The following GNB4 variants were observed in gnomAD, a reference collection of about 807,000 sequenced individuals.
The protein encoded by GNB4 is G protein subunit beta 4, also known as guanine nucleotide-binding protein subunit beta-4.
A neutral mutation model predicts 45.2 loss-of-function variants in GNB4; 28 were observed. The ratio of observed to expected loss-of-function variants is 0.62; its 90% CI spans 0.46 to 0.85. The LOEUF (loss-of-function observed/expected upper bound fraction) is 0.85, where lower values mean the gene tolerates loss of function less well. GNB4 is among the 40% of genes least tolerant of loss of function. The pLI is 0.00. For missense variants in GNB4, 321 were observed against 425.4 expected, an observed-to-expected ratio of 0.75 and a Z score of 2.16; for synonymous variants, 132 against 143.7, an observed-to-expected ratio of 0.92 and a Z score of 0.58.
the GNB4 span, among the ~76,000 whole-genome samples, chr3:179,496,070 G>T: frequency 6.6e-6 from 1 of 152,004 alleles, no homozygotes; most frequent in East Asian, 1.9e-4. Flanking sequence ...CTGTAATGGT[G>T]GTATGTAAAT....
chr3:179,417,139 C>T (rs1190035713), intron 4 of GNB4, among the ~76,000 whole-genome samples: 2 of 151,996 alleles, frequency 1.3e-5, no homozygotes, highest in East Asian at 3.9e-4. Flanking sequence ...GAGTTAATCA[C>T]AAGAGAATGA....
At chr3:179,453,286 G>C (rs1197242617), upstream of GNB4, among the ~76,000 whole-genome samples, 3 of 152,064 alleles carry the variant, frequency 2.0e-5, no homozygotes, top group Non-Finnish European at 4.4e-5. Context: ...ACGCCCGGCT[G>C]ATTTTTTGTA....
At chr3:179,435,750 T>C (rs1247696766) in intron 1 of GNB4, among the ~76,000 whole-genome samples, 2 of 152,224 alleles carry the variant, frequency 1.3e-5, no homozygotes, top group Non-Finnish European at 2.9e-5. Flanking sequence ...AGTGAAAGCA[T>C]TGTTGAGCAG....
intron 1 of GNB4, among the ~76,000 whole-genome samples, chr3:179,446,333 G>A (rs921897116): frequency 7.9e-5 from 12 of 152,214 alleles, no homozygotes; most frequent in African/African-American, 2.9e-4. Flanking sequence ...AAGGTTCACT[G>A]AAATTATTAC....
At chr3:179,442,597 T>C (rs1715621633) in intron 1 of GNB4, among the ~76,000 whole-genome samples, 1 of 152,160 alleles carries the variant, frequency 6.6e-6, no homozygotes, top group South Asian at 2.1e-4. Flanking sequence ...TGTAGTTATC[T>C]CTGTGTTACC....
the GNB4 span, among the ~76,000 whole-genome samples, chr3:179,514,699 C>A: frequency 6.6e-6 from 1 of 152,080 alleles, no homozygotes; most frequent in African/African-American, 2.4e-5. Context: ...TGTGTGGGGA[C>A]ACTGTAAAAA....
intron 1 of GNB4, among the ~76,000 whole-genome samples, chr3:179,433,447 C>T (rs1330375850): frequency 6.6e-6 from 1 of 151,922 alleles, no homozygotes; most frequent in Non-Finnish European, 1.5e-5. Context: ...ACTATAAGAG[C>T]TAGCAGCTTC....
At chr3:179,405,489 T>C in intron 8 of GNB4, 83 bp from the exon 9 acceptor site, 3 of 962,608 alleles carry the variant, frequency 3.1e-6, no homozygotes, top group Middle Eastern at 2.3e-4. Flanking sequence ...AAATCTAGAT[T>C]AATATTCCAA....
rs1022125040 is a variant in GNB4 at position 179,451,364 on chromosome 3, C to A, written c.-61G>T. 12 of 151,252 alleles carry A rather than the reference C, an allele frequency of 7.9e-5. No individual in the cohort carries two copies. The highest frequency in any genetic ancestry group is 2.9e-4 in the African/African-American group (12 of 41,352). 9.4% of individuals were successfully genotyped at this position (151,252 alleles called of 1,614,324 possible). ...CGCCTACCTGGAGGGAGCTCAGGCC[C>A]GCGTCGACCGCGCGCTGCCGGTGTC... On this transcript the variant is annotated 5_prime_UTR_variant, in exon 1 of 10. Coordinates refer to ENST00000232564, the MANE Select transcript of GNB4 (RefSeq NM_021629.4).
chr3:179,507,186 A>C, the GNB4 span, among the ~76,000 whole-genome samples: 3 of 152,180 alleles, frequency 2.0e-5, no homozygotes, highest in Non-Finnish European at 4.4e-5. Flanking sequence ...CCTAGTTTAG[A>C]CTTTCCTCAT....
At position 179,419,428 on chromosome 3, in the gene GNB4, G is replaced by C; in HGVS notation, c.174C>G (p.Ile58Met). 1 of 1,611,284 alleles carries C rather than the reference G, an allele frequency of 6.2e-7. No homozygotes were observed. The highest frequency in any genetic ancestry group is 8.5e-7 in the Non-Finnish European group (1 of 1,177,428). The change falls in exon 4 of 10, where the codon ATC becomes ATG. Residue 58 changes from isoleucine (I) to methionine (M), a missense_variant. By Grantham distance (10) the Ile-to-Met change is conservative (BLOSUM62 1). Transcript: ENST00000232564. ...RRTLRGHLAK[I>M]YAMHWGYDSR... ...AATCGTATCCCCAATGCATAGCATA[G>C]ATTTTAGCTAGGTGGCCCCTCAGTG... is the stretch of plus-strand genomic sequence containing the variant.
In GNB4 at chr3:179,396,285, C is replaced by G. The variant is rs1714111435; in HGVS notation, c.*4928G>C. On this transcript the variant is annotated 3_prime_UTR_variant, in exon 10 of 10. Transcript: ENST00000232564. ...TACCCTTCCCATAATTAGACTACTA[C>G]TGACATTCATGTTCAGTTGACCACG... 6.6e-6 allele frequency: 1 copy of G among 152,208 alleles called. No individual in the cohort carries two copies. The highest frequency in any genetic ancestry group is 2.1e-4 in the South Asian group (1 of 4,824). The allele number at this position is 152,208 out of a possible 1,614,324, so 9.4% of individuals were successfully genotyped here.
the GNB4 span, among the ~76,000 whole-genome samples, chr3:179,525,020 G>T: frequency 0.076 from 11,586 of 152,092 alleles, 541 homozygotes; most frequent in Middle Eastern, 0.14. Flanking sequence ...GGAGAGGTCA[G>T]ATGGGTCTGT....
chr3:179,484,430 A>G, the GNB4 span, among the ~76,000 whole-genome samples: 1 of 152,218 alleles, frequency 6.6e-6, no homozygotes, highest in Admixed American at 6.5e-5. Flanking sequence ...CCAAATTAAT[A>G]CTCAAGACAC....
At chr3:179,508,980 T>C in the GNB4 span, among the ~76,000 whole-genome samples, 3 of 134,802 alleles carry the variant, frequency 2.2e-5, no homozygotes, top group Non-Finnish European at 4.6e-5. Context: ...TAAATTTGAA[T>C]TGGAAATATC....
At chr3:179,506,704 A>T in the GNB4 span, among the ~76,000 whole-genome samples, 74 of 152,296 alleles carry the variant, frequency 4.9e-4, no homozygotes, top group Non-Finnish European at 8.4e-4. Context: ...AGATTATTGA[A>T]GTCAGTTACT....
At chr3:179,479,893 T>TA in the GNB4 span, among the ~76,000 whole-genome samples, 2 of 152,232 alleles carry the variant, frequency 1.3e-5, no homozygotes, top group Non-Finnish European at 1.5e-5. Context: ...TACCAATTGC[T>TA]ATGGTTTGAA....
chr3:179,519,162 G>A, the GNB4 span, among the ~76,000 whole-genome samples: 1 of 152,194 alleles, frequency 6.6e-6, no homozygotes, highest in Non-Finnish European at 1.5e-5. Flanking sequence ...TGGCCACTGG[G>A]TCAAGGAATG....
rs529508953 is a variant in GNB4 at position 179,447,101 on chromosome 3, G to A, written c.-43+4245C>T. 1.8e-3 allele frequency among the ~76,000 whole-genome samples: 271 copies of A among 152,268 alleles called. 1 individual carries two copies. Among genetic ancestry groups the A allele is most frequent in the Non-Finnish European group, 3.0e-3 (207 of 68,034 alleles). On this transcript the variant is annotated intron_variant, in intron 1 of 9. Transcript: ENST00000232564. ...GAACTTCAAGAGGTTAGAGGGTGAC[G>A]AGGAAGGCTATTTTCAAATAAATTA...
Sources: allele counts gnomAD v4.1 joint callset (sites outside exome capture counted in the v4.1 genomes callset), GRCh38; gene constraint gnomAD v4.1.1; transcripts MANE v1.5; gene names NCBI Gene and HGNC (gene_info 2026-07-23, HGNC 2026-07-21).